Variants in EEPD1 observed in about 807,000 individuals in gnomAD.
EEPD1 encodes endonuclease/exonuclease/phosphatase family domain-containing protein 1.
Under a neutral mutation model 46.3 loss-of-function variants are expected in EEPD1, and 17 were observed. That is an observed-to-expected ratio of 0.37 (90% CI 0.25 to 0.55). The LOEUF is 0.55. Among genes scored for constraint, EEPD1 ranks in the 20% least tolerant of loss-of-function variants. The pLI, the probability that EEPD1 is intolerant of heterozygous loss-of-function variation, is 0.83. For synonymous variants in EEPD1, 313 were observed against 315.6 expected (o/e 0.99, Z 0.09); for missense variants, 673 against 745.6 (o/e 0.90, Z 1.13).
At chr7:36,298,147 A>G (rs196608) in intron 7 of EEPD1, among the ~76,000 whole-genome samples, 4,599 of 152,294 alleles carry the variant, frequency 0.03, 90 homozygotes, top group Middle Eastern at 0.062. Context: ...GAGAATGACA[A>G]TTGTCAAACT....
intron 2 of EEPD1, among the ~76,000 whole-genome samples, chr7:36,204,518 G>A (rs779268930): frequency 3.9e-5 from 6 of 152,180 alleles, no homozygotes; most frequent in Admixed American, 6.5e-5. Flanking sequence ...TAGGCTGTGT[G>A]GGTGTGGGTT....
chr7:36,231,933 GGT>G (rs1452518574), intron 2 of EEPD1, among the ~76,000 whole-genome samples: 2 of 152,138 alleles, frequency 1.3e-5, no homozygotes, highest in Non-Finnish European at 2.9e-5. Context: ...TTTCCAATAA[GGT>G]TAGAAATAAA....
rs1787593283 is a variant in EEPD1 at position 36,299,968 on chromosome 7, C to G, written c.*762C>G. The G allele has an allele frequency of 6.6e-6, 1 of 152,630 alleles. No individual in the cohort carries two copies. The highest frequency in any genetic ancestry group is 2.1e-4 in the South Asian group (1 of 4,846). 9.5% of individuals were successfully genotyped at this position (152,630 alleles called of 1,614,324 possible). ...CTGTGAAGCCTCTCTGTCATCTCCC[C>G]TTCCCAGCCCCTCCTTCATCCCCTG... On this transcript the variant is annotated 3_prime_UTR_variant, in exon 8 of 8. Transcript: ENST00000242108.
chr7:36,194,748 A>G (rs1010695836), intron 2 of EEPD1, among the ~76,000 whole-genome samples: 2 of 152,198 alleles, frequency 1.3e-5, no homozygotes, highest in African/African-American at 4.8e-5. Flanking sequence ...TTGGAGAGGC[A>G]GCAGGTGGTT....
chr7:36,238,495 T>C (rs1786496489), intron 2 of EEPD1, among the ~76,000 whole-genome samples: 1 of 152,230 alleles, frequency 6.6e-6, no homozygotes, highest in African/African-American at 2.4e-5. Context: ...GATCGTATAG[T>C]ATTTGTCTTT....
At chr7:36,292,768 A>G (rs915341587) in intron 6 of EEPD1, among the ~76,000 whole-genome samples, 9 of 152,100 alleles carry the variant, frequency 5.9e-5, no homozygotes, top group African/African-American at 1.7e-4. Context: ...CAGCCTCCCA[A>G]AGTGCTGGGA....
At chr7:36,223,952 T>C (rs1206260220) in intron 2 of EEPD1, among the ~76,000 whole-genome samples, 1 of 152,226 alleles carries the variant, frequency 6.6e-6, no homozygotes, top group Non-Finnish European at 1.5e-5. Flanking sequence ...CTCTTTCTCC[T>C]CTTCATTGGT....
intron 2 of EEPD1, among the ~76,000 whole-genome samples, chr7:36,179,803 G>T (rs1785242723): frequency 1.3e-5 from 2 of 150,920 alleles, no homozygotes; most frequent in African/African-American, 4.9e-5. Flanking sequence ...GCAGACTGTA[G>T]AAATCAGCAT....
In EEPD1 at chr7:36,194,489, C is replaced by T. The variant is rs1785540251; in HGVS notation, c.878+39287C>T. On this transcript the variant is annotated intron_variant, in intron 2 of 7. Transcript: ENST00000242108. ...ACAGAAGACTTCCCCATCCTGGTTC[C>T]TCCTCCTGCCCCCTTCCTTCCCAGG... Among the ~76,000 whole-genome samples, 3 of 152,198 alleles carry T rather than the reference C, an allele frequency of 2.0e-5. No individual in the cohort carries two copies. The South Asian group carries it at 6.2e-4, about 31-fold the overall frequency.
At chr7:36,233,836 G>A (rs1360106297) in intron 2 of EEPD1, among the ~76,000 whole-genome samples, 1 of 152,194 alleles carries the variant, frequency 6.6e-6, no homozygotes, top group African/African-American at 2.4e-5. Flanking sequence ...GGAGCAGAGA[G>A]AACGCCCACA....
In EEPD1 at chr7:36,217,159, A is replaced by G. The variant is rs150013836; in HGVS notation, c.879-21826A>G. Among the ~76,000 whole-genome samples, 532 of 152,412 alleles carry G rather than the reference A, an allele frequency of 3.5e-3. 4 individuals are homozygous for G. The highest frequency in any genetic ancestry group is 0.012 in the African/African-American group (505 of 41,598). Reference sequence around the variant, plus strand: ...TAAAGAATGGCTACTCCATAGGCAGAGCAGCGGCATGGGCCACTGGTTGCC... The same window carrying G: ...TAAAGAATGGCTACTCCATAGGCAGGGCAGCGGCATGGGCCACTGGTTGCC... On this transcript the variant is annotated intron_variant, in intron 2 of 7. Transcript: ENST00000242108.
intron 4 of EEPD1, among the ~76,000 whole-genome samples, chr7:36,281,650 A>T (rs149307542): frequency 6.6e-6 from 1 of 152,328 alleles, no homozygotes; most frequent in East Asian, 1.9e-4. Flanking sequence ...TCAACATAGA[A>T]ATGTTCTATT....
At chr7:36,235,251 C>A (rs1786413052) in intron 2 of EEPD1, among the ~76,000 whole-genome samples, 1 of 152,214 alleles carries the variant, frequency 6.6e-6, no homozygotes, top group Non-Finnish European at 1.5e-5. Context: ...CATCGACCAC[C>A]TGCTCATTGT....
intron 2 of EEPD1, among the ~76,000 whole-genome samples, chr7:36,238,171 A>G (rs1292161572): frequency 6.6e-6 from 1 of 152,188 alleles, no homozygotes; most frequent in African/African-American, 2.4e-5. Flanking sequence ...CTAATGCATT[A>G]TAATTAACAT....
intron 2 of EEPD1, among the ~76,000 whole-genome samples, chr7:36,202,736 G>A (rs1009463882): frequency 1.3e-5 from 2 of 152,126 alleles, no homozygotes; most frequent in Non-Finnish European, 2.9e-5. Context: ...CCATGACCCT[G>A]CAAGGTGAAA....
At chr7:36,167,579 C>G (rs774521627) in intron 2 of EEPD1, among the ~76,000 whole-genome samples, 1 of 152,134 alleles carries the variant, frequency 6.6e-6, no homozygotes, top group Non-Finnish European at 1.5e-5. Flanking sequence ...CACCCCCACG[C>G]AGCAGCCTCC....
At chr7:36,262,268 G>A (rs1786938979) in intron 3 of EEPD1, among the ~76,000 whole-genome samples, 1 of 152,084 alleles carries the variant, frequency 6.6e-6, no homozygotes, top group African/African-American at 2.4e-5. Context: ...TTGACCCCAG[G>A]AGTTCGAGAC....
chr7:36,261,149 A>G (rs900141863), intron 3 of EEPD1, among the ~76,000 whole-genome samples: 2 of 152,116 alleles, frequency 1.3e-5, no homozygotes, highest in African/African-American at 4.8e-5. Context: ...TGGATGGACA[A>G]ATGGGTGGGT....
At chr7:36,240,040 T>C (rs536626934) in intron 3 of EEPD1, among the ~76,000 whole-genome samples, 1 of 152,324 alleles carries the variant, frequency 6.6e-6, no homozygotes, top group Admixed American at 6.5e-5. Context: ...TTTGGGAGAC[T>C]GGAGGGTTGC....
Sources: gnomAD v4.1 joint callset for allele counts (sites outside exome capture counted in the v4.1 genomes callset) on GRCh38, gnomAD v4.1.1 for gene constraint, MANE v1.5 for transcripts, NCBI Gene and HGNC (gene_info 2026-07-23, HGNC 2026-07-21) for gene names.